C6: variants seen among roughly 807,000 people sequenced by gnomAD.
The protein encoded by C6 is complement component C6.
Under a neutral mutation model 112.9 loss-of-function variants are expected in C6, and 101 were observed. The ratio of observed to expected loss-of-function variants is 0.89; its 90% CI spans 0.76 to 1.06. C6 has a LOEUF of 1.06. Ranked by LOEUF, C6 falls within the 50% of genes least tolerant of loss-of-function variation. C6 has a pLI of 0.00. For missense variants in C6, 1,202 were observed against 1,104.6 expected, an observed-to-expected ratio of 1.09 and a Z score of -1.25; for synonymous variants, 431 against 384.1, an observed-to-expected ratio of 1.12 and a Z score of -1.43.
chr5:41,187,343 A>G (rs776409220), intron 5 of C6, among the ~76,000 whole-genome samples: 11 of 152,242 alleles, frequency 7.2e-5, no homozygotes, highest in Non-Finnish European at 1.3e-4. Context: ...CACAAGACAA[A>G]ATGTACCTGA....
intron 1 of C6, among the ~76,000 whole-genome samples, chr5:41,258,376 T>C (rs561608935): frequency 2.0e-5 from 3 of 152,342 alleles, no homozygotes; most frequent in South Asian, 4.1e-4. Context: ...TACACTGTAG[T>C]AATTTCATGA....
chr5:41,233,098 A>G (rs544297980), intron 1 of C6, among the ~76,000 whole-genome samples: 2 of 152,098 alleles, frequency 1.3e-5, no homozygotes, highest in Non-Finnish European at 2.9e-5. Flanking sequence ...TAATTTGACA[A>G]CATATTATAA....
rs113972210 is a variant in C6 at position 41,187,547 on chromosome 5, G to C, written c.588-1339C>G. Among the ~76,000 whole-genome samples the C allele has an allele frequency of 5.1e-3, 780 of 152,086 alleles. 2 individuals are homozygous for C. Among genetic ancestry groups the C allele is most frequent in the Non-Finnish European group, 7.8e-3 (528 of 67,978 alleles). ...ATTACTCAGGCGCTTCTAACCAAGG[G>C]GCACAATATTTTTCTATCAAAGAGG... On this transcript the variant is annotated intron_variant, in intron 5 of 17. Coordinates refer to ENST00000337836, the MANE Select transcript of C6 (RefSeq NM_000065.5).
At chr5:41,238,583 C>A (rs1299485052) in intron 1 of C6, among the ~76,000 whole-genome samples, 1 of 152,112 alleles carries the variant, frequency 6.6e-6, no homozygotes, top group Non-Finnish European at 1.5e-5. Context: ...ACAAAGGGTT[C>A]AGGAAGTGAT....
At chr5:41,185,195 G>A (rs73074004) in intron 6 of C6, among the ~76,000 whole-genome samples, 2,258 of 152,156 alleles carry the variant, frequency 0.015, 57 homozygotes, top group African/African-American at 0.052. Context: ...CAAATTTGAC[G>A]GTTAGTTCCC....
intron 13 of C6, among the ~76,000 whole-genome samples, chr5:41,156,931 A>G (rs1467681078): frequency 6.6e-6 from 1 of 152,294 alleles, no homozygotes; most frequent in African/African-American, 2.4e-5. Flanking sequence ...TGACTAAACA[A>G]AAAACCTTGC....
chr5:41,236,564 C>T (rs1239098455), intron 1 of C6, among the ~76,000 whole-genome samples: 45 of 109,650 alleles, frequency 4.1e-4, no homozygotes, highest in Admixed American at 2.3e-3. Flanking sequence ...ATCTCTGGGA[C>T]GCATTCAAAG....
chr5:41,157,707 T>C lies in C6; in HGVS notation c.1968+967A>G, dbSNP rs76150889. 2.9e-3 allele frequency among the ~76,000 whole-genome samples: 440 copies of C among 152,336 alleles called. 1 individual carries two copies. The highest frequency in any genetic ancestry group is 5.3e-3 in the Non-Finnish European group (358 of 68,028). ...GGAATGTATTAGCAATGGATATTTCTGTGCCCTTCCCAAAACCTTCTGGAT... is the reference window on the plus strand; with the variant it reads ...GGAATGTATTAGCAATGGATATTTCCGTGCCCTTCCCAAAACCTTCTGGAT... On this transcript the variant is annotated intron_variant, in intron 13 of 17. Coordinates refer to ENST00000337836, the MANE Select transcript of C6 (RefSeq NM_000065.5).
At chr5:41,148,593 G>A (rs1358640486) in intron 17 of C6, among the ~76,000 whole-genome samples, 2 of 152,172 alleles carry the variant, frequency 1.3e-5, no homozygotes, top group Admixed American at 6.6e-5. Flanking sequence ...CTGAGAATGA[G>A]GGTCTAGTCT....
intron 9 of C6, among the ~76,000 whole-genome samples, chr5:41,163,171 A>G (rs1011905139): frequency 6.4e-4 from 98 of 152,264 alleles, no homozygotes; most frequent in African/African-American, 2.2e-3. Context: ...AAGAAAAAAA[A>G]AAACTAGTAA....
rs71606601 is a variant in C6, at chr5:41,180,832, T to TAA, written c.927+525_927+526dup. Reference sequence around the variant, plus strand: ...CTTGCATGTGTCCTATATGAGGAATTAAAAAAAAAAAAAGGCAACTGAATG... The same window carrying TAA: ...CTTGCATGTGTCCTATATGAGGAATTAAAAAAAAAAAAAAAGGCAACTGAATG... On this transcript the variant is annotated intron_variant, in intron 7 of 17. Coordinates refer to ENST00000337836, the MANE Select transcript of C6 (RefSeq NM_000065.5). Among the ~76,000 whole-genome samples the TAA allele has an allele frequency of 3.0e-3, 407 of 134,350 alleles. 1 individual carries two copies. Among genetic ancestry groups the TAA allele is most frequent in the Non-Finnish European group, 4.7e-3 (290 of 62,064 alleles). 88.1% of individuals were successfully genotyped at this position (134,350 alleles called of 152,430 possible).
chr5:41,161,297 C>A (rs1448836575), intron 10 of C6, among the ~76,000 whole-genome samples: 1 of 152,058 alleles, frequency 6.6e-6, no homozygotes, highest in Non-Finnish European at 1.5e-5. Flanking sequence ...GATCTAAAAT[C>A]TCATTTATCT....
intron 1 of C6, among the ~76,000 whole-genome samples, chr5:41,241,952 A>G (rs1477332059): frequency 6.6e-6 from 1 of 152,164 alleles, no homozygotes; most frequent in Non-Finnish European, 1.5e-5. Flanking sequence ...AGAAGGTAAA[A>G]TAAAAAAACC....
chr5:41,208,964 A>T (rs1428725354), intron 1 of C6, among the ~76,000 whole-genome samples: 1 of 152,156 alleles, frequency 6.6e-6, no homozygotes, highest in African/African-American at 2.4e-5. Context: ...TCGATGCAAA[A>T]ATCCTCAATA....
intron 3 of C6, among the ~76,000 whole-genome samples, chr5:41,200,931 G>A (rs1214408788): frequency 8.6e-6 from 1 of 116,392 alleles, no homozygotes; most frequent in East Asian, 2.8e-4. Flanking sequence ...TACGAGTTGA[G>A]CATACCTAGT....
intron 1 of C6, among the ~76,000 whole-genome samples, chr5:41,254,693 T>G (rs573641390): frequency 6.6e-6 from 1 of 152,170 alleles, no homozygotes; most frequent in South Asian, 2.1e-4. Flanking sequence ...GTGATCCCTA[T>G]AGAAAGGAAA....
chr5:41,181,078 G>A (rs61111492), intron 7 of C6, among the ~76,000 whole-genome samples: 3,906 of 151,728 alleles, frequency 0.026, 171 homozygotes, highest in African/African-American at 0.089. Context: ...AAGTTCTGTT[G>A]TATGGAGTTT....
At chr5:41,195,330 G>A (rs1750527331) in intron 5 of C6, among the ~76,000 whole-genome samples, 1 of 152,016 alleles carries the variant, frequency 6.6e-6, no homozygotes, top group African/African-American at 2.4e-5. Context: ...GACTGGTTTT[G>A]TTTCTCTAGT....
Position 41,149,423 on chromosome 5 carries a change from GGTGAA to G in C6, c.2436_2440del (p.Ser813ArgfsTer3), listed in dbSNP as rs777936780. The G allele has an allele frequency of 1.9e-6, 3 of 1,614,022 alleles. No individual in the cohort carries two copies. The highest frequency in any genetic ancestry group is 1.3e-5 in the African/African-American group (1 of 75,018). On this transcript the variant is annotated frameshift_variant, in exon 17 of 18. Transcript: ENST00000337836. LOFTEE classifies it high-confidence loss of function. ...TTTCTCAGCCAAAAACTTACAAGCG[GGTGAA>G]GTAAAGTAATCGTTGGAGTCTGTGT...
Sources: allele counts gnomAD v4.1 joint callset (sites outside exome capture counted in the v4.1 genomes callset), GRCh38; gene constraint gnomAD v4.1.1; transcripts MANE v1.5; gene names NCBI Gene and HGNC (gene_info 2026-07-23, HGNC 2026-07-21).